The following TRHDE variants were observed in gnomAD, a reference collection of about 807,000 sequenced individuals.
TRHDE encodes the protein thyrotropin releasing hormone degrading enzyme, also known as thyrotropin-releasing hormone-degrading ectoenzyme.
In TRHDE, 72 loss-of-function variants were observed where a neutral mutation model predicts 125.7. That is an observed-to-expected ratio of 0.57 (90% confidence interval 0.47 to 0.70). The LOEUF (loss-of-function observed/expected upper bound fraction) is 0.70. TRHDE is among the 30% of genes least tolerant of loss of function. The probability of loss-of-function intolerance (pLI) is 0.00; values close to 1 mark genes in which losing one functional copy is unlikely to be tolerated. For missense variants in TRHDE, 1,110 were observed against 1,327.1 expected (o/e 0.84, Z 2.54); for synonymous variants, 509 against 509.1 (o/e 1.00, Z 0.00).
chr12:72,511,140 T>A (rs1358690160), intron 6 of TRHDE, among the ~76,000 whole-genome samples: 2 of 152,180 alleles, frequency 1.3e-5, no homozygotes, highest in East Asian at 3.8e-4. Context: ...TTTGATATTC[T>A]TTAGAAATAA....
rs531711227 is a variant in TRHDE, at chr12:72,669,386, G to A, written c.*6191G>A. 6.6e-6 allele frequency: 1 copy of A among 151,900 alleles called. No homozygotes were observed. Among genetic ancestry groups the A allele is most frequent in the South Asian group, 2.1e-4 (1 of 4,826 alleles). The allele number at this position is 151,900 out of a possible 1,614,324, so 9.4% of individuals were successfully genotyped here. On this transcript the variant is annotated 3_prime_UTR_variant, in exon 19 of 19. Transcript: ENST00000261180. ...TGTGTGAAGATACAGTCTAAGATAA[G>A]TGCTTTGACTTGCCTCTGCAGAGGT...
chr12:72,578,637 G>A (rs543466222), intron 12 of TRHDE, among the ~76,000 whole-genome samples: 4 of 152,170 alleles, frequency 2.6e-5, no homozygotes, highest in South Asian at 2.1e-4. Flanking sequence ...TGTGTCATCC[G>A]TTTATTACTG....
At chr12:72,582,615 A>G in intron 12 of TRHDE, 1 of 985,440 alleles carries the variant, frequency 1.0e-6, no homozygotes, top group Non-Finnish European at 1.2e-6. Context: ...CTAGATGAGT[A>G]GCAGTTTTTC....
chr12:72,116,557 TTGGCATGAGA>T (rs1469472614), intron 2 of TRHDE, among the ~76,000 whole-genome samples: 1 of 152,114 alleles, frequency 6.6e-6, no homozygotes, highest in South Asian at 2.1e-4. Flanking sequence ...GACATTCTAA[TTGGCATGAGA>T]TGGTATCTCA....
intron 2 of TRHDE, among the ~76,000 whole-genome samples, chr12:72,228,088 G>A (rs546452997): frequency 9.8e-4 from 149 of 152,270 alleles, no homozygotes; most frequent in African/African-American, 3.3e-3. Flanking sequence ...GCATGACAGT[G>A]TCCCTCTTCT....
At chr12:72,564,379 A>G (rs1217421365) in intron 9 of TRHDE, among the ~76,000 whole-genome samples, 3 of 152,190 alleles carry the variant, frequency 2.0e-5, no homozygotes, top group Non-Finnish European at 4.4e-5. Context: ...CATAAAAACT[A>G]CTTGACTGTG....
chr12:72,337,533 T>A (rs1336143878), intron 2 of TRHDE, among the ~76,000 whole-genome samples: 2 of 152,142 alleles, frequency 1.3e-5, no homozygotes, highest in Non-Finnish European at 2.9e-5. Context: ...CTTGGTGGTA[T>A]TTATAGATTA....
chr12:72,139,986 G>C (rs1876077848), intron 2 of TRHDE: 1 of 152,214 alleles, frequency 6.6e-6, no homozygotes, highest in African/African-American at 2.4e-5. Context: ...CAACGTGACA[G>C]ATAGCAGGCT....
chr12:72,586,159 T>G (rs569674186), intron 12 of TRHDE, among the ~76,000 whole-genome samples: 1 of 152,204 alleles, frequency 6.6e-6, no homozygotes, highest in East Asian at 1.9e-4. Flanking sequence ...AAGAATAAGA[T>G]AATAGAAAAT....
chr12:72,653,079 C>A lies in TRHDE; in HGVS notation c.2907C>A (p.Ile969=), dbSNP rs778319929. Residue 969 remains isoleucine, a synonymous_variant, in exon 17 of 19, where the codon ATC becomes ATA. Transcript: ENST00000261180. ...ATCAAGATGCAATTGATGTCATAAT[C>A]CATGTAGCTCGAAATCCACATGGTC... ...VLDQDAIDVI[I]HVARNPHGRD... 17 of 1,608,330 alleles carry A rather than the reference C, an allele frequency of 1.1e-5. No homozygotes were observed. Among genetic ancestry groups the A allele is most frequent in the Admixed American group, 1.7e-5 (1 of 59,478 alleles).
intron 2 of TRHDE, among the ~76,000 whole-genome samples, chr12:72,348,414 C>G (rs1387814787): frequency 6.6e-6 from 1 of 151,866 alleles, no homozygotes; most frequent in East Asian, 1.9e-4. Flanking sequence ...CTGACAGTGG[C>G]CTTGATCTTT....
intron 3 of TRHDE, among the ~76,000 whole-genome samples, chr12:72,408,974 T>C (rs574292778): frequency 6.6e-6 from 1 of 152,264 alleles, no homozygotes; most frequent in African/African-American, 2.4e-5. Context: ...GAGGAAATAT[T>C]TGAGGAATTG....
chr12:72,544,548 C>CT lies in TRHDE; in HGVS notation c.1788+2198dup, dbSNP rs1276267569. 3.3e-5 allele frequency among the ~76,000 whole-genome samples: 5 copies of CT among 150,832 alleles called. No homozygotes were observed. The East Asian group carries it at 7.8e-4, about 24-fold the overall frequency. On this transcript the variant is annotated intron_variant, in intron 7 of 18. Coordinates refer to ENST00000261180, the MANE Select transcript of TRHDE (RefSeq NM_013381.3). ...TTTTATTCTCCCCCCTTTTTTTCTC[C>CT]TTTTTTCTCTTTTTCTCTCTTGCTC...
intron 2 of TRHDE, among the ~76,000 whole-genome samples, chr12:72,118,860 T>C (rs1875510176): frequency 6.6e-6 from 1 of 152,154 alleles, no homozygotes; most frequent in African/African-American, 2.4e-5. Context: ...CCTCTAATAA[T>C]TCTTTGATTT....
At chr12:72,312,353 A>T (rs1210646915) in intron 2 of TRHDE, among the ~76,000 whole-genome samples, 1 of 152,224 alleles carries the variant, frequency 6.6e-6, no homozygotes, top group African/African-American at 2.4e-5. Context: ...AAATAACAGG[A>T]ATCGCTTTTT....
intron 18 of TRHDE, among the ~76,000 whole-genome samples, chr12:72,660,455 G>A (rs1874872184): frequency 6.6e-6 from 1 of 152,100 alleles, no homozygotes; most frequent in Non-Finnish European, 1.5e-5. Flanking sequence ...AGGAACGGGT[G>A]CCTTCCCTGG....
At chr12:72,347,729 T>G (rs1026702492) in intron 2 of TRHDE, among the ~76,000 whole-genome samples, 4 of 152,028 alleles carry the variant, frequency 2.6e-5, no homozygotes, top group Admixed American at 6.6e-5. Context: ...CAAATTACCC[T>G]CAAAACTCAA....
At chr12:72,413,150 C>G (rs1873582277) in intron 3 of TRHDE, among the ~76,000 whole-genome samples, 1 of 151,984 alleles carries the variant, frequency 6.6e-6, no homozygotes, top group Admixed American at 6.6e-5. Flanking sequence ...TCCAGTTAGG[C>G]AAAAACAAAT....
At chr12:72,195,047 C>T (rs1001337286) in intron 2 of TRHDE, among the ~76,000 whole-genome samples, 3 of 152,144 alleles carry the variant, frequency 2.0e-5, no homozygotes, top group South Asian at 2.1e-4. Flanking sequence ...GGGAAGCAAA[C>T]ATGTCCTTCT....
Sources: allele counts gnomAD v4.1 joint callset (sites outside exome capture counted in the v4.1 genomes callset), GRCh38; gene constraint gnomAD v4.1.1; transcripts MANE v1.5; gene names NCBI Gene and HGNC (gene_info 2026-07-23, HGNC 2026-07-21).